LRRC36: variants seen among roughly 807,000 people sequenced by gnomAD.
LRRC36 encodes leucine rich repeat containing 36.
LRRC36 carries 62 observed loss-of-function variants against 81.1 expected under a neutral mutation model. That is an observed-to-expected ratio of 0.76 (90% CI 0.62 to 0.94). LRRC36 has a LOEUF of 0.94. LRRC36 is among the 40% of genes least tolerant of loss of function. LRRC36 has a pLI of 0.00. For synonymous variants in LRRC36, 334 were observed against 348.6 expected, an observed-to-expected ratio of 0.96 and a Z score of 0.47; for missense variants, 761 against 881.7, an observed-to-expected ratio of 0.86 and a Z score of 1.73.
chr16:67,380,367 G>A (rs945519550), intron 12 of LRRC36, among the ~76,000 whole-genome samples: 1 of 151,876 alleles, frequency 6.6e-6, no homozygotes, highest in Non-Finnish European at 1.5e-5. Context: ...GCCAACACTG[G>A]GCATTTTTTC....
chr16:67,327,021 T>G, intron 1 of LRRC36, 89 bp downstream of exon 1: 2 of 1,219,612 alleles, frequency 1.6e-6, no homozygotes, highest in Non-Finnish European at 2.1e-6. Flanking sequence ...GAACCTGAGA[T>G]AGAGGCGAGG....
chr16:67,327,734 A>G (rs1237690699), intron 1 of LRRC36, among the ~76,000 whole-genome samples: 5 of 152,146 alleles, frequency 3.3e-5, no homozygotes, highest in African/African-American at 4.8e-5. Context: ...TCAACCTTGG[A>G]ATATTTCAGT....
intron 1 of LRRC36, among the ~76,000 whole-genome samples, chr16:67,335,985 G>A (rs570521298): frequency 1.3e-5 from 2 of 152,306 alleles, no homozygotes; most frequent in African/African-American, 4.8e-5. Context: ...GCCCGTCTCG[G>A]TCTCCCAAAG....
Position 67,326,886 on chromosome 16 carries a change from C to T in LRRC36, c.24C>T (p.Asp8=), listed in dbSNP as rs759610783. 1.4e-6 allele frequency: 2 copies of T among 1,461,676 alleles called. No homozygotes were observed. The highest frequency in any genetic ancestry group is 3.0e-5 in the East Asian group (1 of 33,770). The allele number at this position is 1,461,676 out of a possible 1,614,324, so 90.5% of individuals were successfully genotyped here. ...GGATGGCGGAGCAATGGGAGCTGGA[C>T]GAGGAAGGCATTCGCCGCCTGGGGG... is the stretch of plus-strand genomic sequence containing the variant. MAEQWEL[D]EEGIRRLGAL... Residue 8 remains aspartate, a synonymous_variant, in exon 1 of 14, where the codon GAC becomes GAT. Transcript: ENST00000329956.
In LRRC36 at chr16:67,384,878, T is replaced by A. The variant is rs1010792563; in HGVS notation, c.2054T>A (p.Val685Glu). ...AILHESQRSL[V>E]VTNEYLLQQL... is the part of the protein sequence containing the mutation. ...TTTCCCTTGGGCCTCAGATCCCTGG[T>A]GGTAACTAATGAGTATCTGCTGCAG... Residue 685 changes from valine (V) to glutamate (E), a missense_variant, in exon 14 of 14, where the codon GTG becomes GAG. Around this residue, in one of 3 missense-constraint regions of LRRC36, gnomAD observed 359 missense variants for 388.4 expected, o/e 0.92. Transcript: ENST00000329956. 4 of 1,613,826 alleles carry A rather than the reference T, an allele frequency of 2.5e-6. No homozygotes were observed. In the Admixed American group the frequency reaches 5.0e-5, roughly 20 times the overall value.
At chr16:67,330,527 G>A (rs1479097465) in intron 1 of LRRC36, among the ~76,000 whole-genome samples, 2 of 152,086 alleles carry the variant, frequency 1.3e-5, no homozygotes, top group East Asian at 3.9e-4. Flanking sequence ...AGTGAGGACT[G>A]TTTTGCTTTC....
At chr16:67,361,123 C>T (rs769224641) in intron 5 of LRRC36, among the ~76,000 whole-genome samples, 10 of 152,088 alleles carry the variant, frequency 6.6e-5, no homozygotes, top group African/African-American at 2.4e-4. Flanking sequence ...ATTGCAGTCT[C>T]GACTTCCCAA....
At chr16:67,378,235 CT>C (rs1015471341) in intron 11 of LRRC36, among the ~76,000 whole-genome samples, 101 of 100,482 alleles carry the variant, frequency 1.0e-3, no homozygotes, top group Middle Eastern at 0.017. Context: ...ATGTCAGATT[CT>C]TTTTTTTTTT....
chr16:67,376,907 G>C (rs777798276), intron 11 of LRRC36, 35 bp downstream of exon 11: 2 of 1,575,290 alleles, frequency 1.3e-6, no homozygotes, highest in Admixed American at 3.5e-5. Flanking sequence ...GAAAAGGACA[G>C]AGCAGCAGAA....
intron 9 of LRRC36, among the ~76,000 whole-genome samples, chr16:67,373,198 T>A (rs950012093): frequency 2.0e-5 from 3 of 151,962 alleles, no homozygotes; most frequent in Non-Finnish European, 2.9e-5. Flanking sequence ...CAAAAAAAAA[T>A]AAATAAACAA....
At chr16:67,369,597 A>G (rs1282067388) in intron 8 of LRRC36, among the ~76,000 whole-genome samples, 1 of 152,226 alleles carries the variant, frequency 6.6e-6, no homozygotes, top group Non-Finnish European at 1.5e-5. Context: ...GCTAATAAAG[A>G]CATACCCAAG....
Position 67,382,203 on chromosome 16 carries a change from G to C in LRRC36, c.2001G>C (p.Leu667=). 6.2e-7 allele frequency: 1 copy of C among 1,614,150 alleles called. No homozygotes were observed. Among genetic ancestry groups the C allele is most frequent in the Admixed American group, 1.7e-5 (1 of 60,024 alleles). Residue 667 remains leucine (L), a synonymous_variant, in exon 13 of 14, where the codon CTG becomes CTC. Transcript: ENST00000329956. ...VACLNQELAQ[L]KKLEKTVAIL... is the part of the protein sequence containing the mutation. ...GCCTGAACCAGGAGCTTGCCCAGCTGAAAAAGCTGGAGAAGACAGTTGCCA... is the reference window on the plus strand; with the variant it reads ...GCCTGAACCAGGAGCTTGCCCAGCTCAAAAAGCTGGAGAAGACAGTTGCCA...
chr16:67,361,650 G>A (rs572750171), intron 5 of LRRC36, among the ~76,000 whole-genome samples: 3 of 152,220 alleles, frequency 2.0e-5, no homozygotes, highest in African/African-American at 7.2e-5. Context: ...TCAGCTCACA[G>A]CAACCTCTGC....
chr16:67,363,551 C>T (rs767523023), intron 5 of LRRC36, 39 bp from the exon 6 acceptor site: 63 of 1,608,508 alleles, frequency 3.9e-5, no homozygotes, highest in Non-Finnish European at 5.3e-5. Context: ...GAAGTCTGGT[C>T]AGTGAGTGCT....
rs371561086 is a variant in LRRC36, at chr16:67,376,779, G to A, written c.1713G>A (p.Pro571=). 1.4e-5 allele frequency: 23 copies of A among 1,613,726 alleles called. No homozygotes were observed. The Admixed American group carries it at 2.5e-4, about 18-fold the overall frequency. Residue 571 remains proline (P), a synonymous_variant, in exon 11 of 14, where the codon CCG becomes CCA. Transcript: ENST00000329956. ...LSLVVPAPSQ[P]RCCSHPEDTM... Reference sequence around the variant, plus strand: ...TGGTAGTCCCGGCTCCTTCTCAGCCGAGGTGTTGCTCACATCCTGAAGACA... The same window carrying A: ...TGGTAGTCCCGGCTCCTTCTCAGCCAAGGTGTTGCTCACATCCTGAAGACA...
chr16:67,327,663 G>C (rs560238592), intron 1 of LRRC36, among the ~76,000 whole-genome samples: 1 of 152,226 alleles, frequency 6.6e-6, no homozygotes, highest in South Asian at 2.1e-4. Context: ...TAAAGCTACG[G>C]GAGTGGATGA....
intron 8 of LRRC36, among the ~76,000 whole-genome samples, chr16:67,370,149 C>A (rs2039572903): frequency 1.3e-5 from 2 of 151,972 alleles, no homozygotes; most frequent in South Asian, 4.2e-4. Context: ...AGAAGGAAGG[C>A]AGAGAATTTA....
intron 1 of LRRC36, among the ~76,000 whole-genome samples, chr16:67,341,117 GAATATGTACTCTA>G: frequency 9.3e-6 from 1 of 107,844 alleles, no homozygotes; most frequent in Non-Finnish European, 1.8e-5. Flanking sequence ...ATATTCTATA[GAATATGTACTCTA>G]CATATTCTAT....
chr16:67,347,270 G>T lies in LRRC36; in HGVS notation c.392-225G>T, dbSNP rs186181803. 309 of 595,424 alleles carry T rather than the reference G, an allele frequency of 5.2e-4. 2 individuals carry two copies. In the African/African-American group the frequency reaches 5.4e-3, roughly 10 times the overall value. 36.9% of individuals were successfully genotyped at this position (595,424 alleles called of 1,614,324 possible). A position where few individuals can be genotyped will look rare whatever the true frequency, so the allele number is the denominator to read the frequency against. Reference sequence around the variant, plus strand: ...CTGTCCAAGCTCTGCTTTCCTGAAGGGTAGTTACAACTGTGAGGCAGTGGT... The same window carrying T: ...CTGTCCAAGCTCTGCTTTCCTGAAGTGTAGTTACAACTGTGAGGCAGTGGT... On this transcript the variant is annotated intron_variant, in intron 3 of 13. Transcript: ENST00000329956.
Sources: allele counts gnomAD v4.1 joint callset (sites outside exome capture counted in the v4.1 genomes callset), GRCh38; gene constraint gnomAD v4.1.1; regional missense constraint gnomAD v4.1.1; transcripts MANE v1.5; gene names NCBI Gene and HGNC (gene_info 2026-07-23, HGNC 2026-07-21).